JAKMIP3: variants seen among roughly 807,000 people sequenced by gnomAD.
JAKMIP3 encodes Janus kinase and microtubule interacting protein 3, also known as janus kinase and microtubule-interacting protein 3.
JAKMIP3 carries 58 observed loss-of-function variants against 118.5 expected under a neutral mutation model. The ratio of observed to expected loss-of-function variants is 0.49; its 90% confidence interval spans 0.40 to 0.61. JAKMIP3 has a LOEUF of 0.61. JAKMIP3 is among the 20% of genes least tolerant of loss of function. The pLI, the probability that JAKMIP3 is intolerant of heterozygous loss-of-function variation, is 0.00. For missense variants in JAKMIP3, 950 were observed against 1,109.0 expected (o/e 0.86, Z 2.04); for synonymous variants, 486 against 451.2 (o/e 1.08, Z -0.98).
At chr10:132,040,922 G>T (rs1477913475) in intron 1 of JAKMIP3, among the ~76,000 whole-genome samples, 1 of 152,074 alleles carries the variant, frequency 6.6e-6, no homozygotes, top group East Asian at 1.9e-4. Flanking sequence ...CATAGAACTG[G>T]AATCATGCAG....
intron 1 of JAKMIP3, among the ~76,000 whole-genome samples, chr10:132,092,378 A>T (rs565695347): frequency 8.5e-5 from 13 of 152,218 alleles, no homozygotes; most frequent in African/African-American, 3.1e-4. Context: ...ACTTGGTTCC[A>T]TTCTCCCCAT....
chr10:132,168,576 G>T lies in JAKMIP3; in HGVS notation c.*646G>T, dbSNP rs1043285213. On this transcript the variant is annotated 3_prime_UTR_variant, in exon 23 of 24. Transcript: ENST00000684848. ...ACCCTCGTTCATCATCATCTCTGTG[G>T]GGACAGACAAGAGCCGTGGCCGCCG... 3.4e-5 allele frequency: 13 copies of T among 385,178 alleles called. No homozygotes were observed. The highest frequency in any genetic ancestry group is 5.3e-5 in the Non-Finnish European group (11 of 207,438). The allele number at this position is 385,178 out of a possible 1,614,324, so 23.9% of individuals were successfully genotyped here.
chr10:132,180,774 T>TGTGTGCGC lies in JAKMIP3; in HGVS notation c.*1104-1578_*1104-1577insCGCGTGTG, dbSNP rs1565022478. Among the ~76,000 whole-genome samples, 11 of 65,850 alleles carry TGTGTGCGC rather than the reference T, an allele frequency of 1.7e-4. 2 individuals are homozygous for TGTGTGCGC. The highest frequency in any genetic ancestry group is 4.3e-4 in the Admixed American group (3 of 7,058). The allele number at this position is 65,850 out of a possible 152,430, so 43.2% of individuals were successfully genotyped here. ...GCGCGTGTGTGCGTGTGTGTGCGTG[T>TGTGTGCGC]GTGTGTGTGCGCGTATGCATGTGCT... On this transcript the variant is annotated intron_variant, in intron 23 of 23. Transcript: ENST00000684848.
intron 3 of JAKMIP3, among the ~76,000 whole-genome samples, chr10:132,123,346 G>T (rs878963629): frequency 6.6e-6 from 1 of 152,196 alleles, no homozygotes; most frequent in Non-Finnish European, 1.5e-5. Flanking sequence ...AAGTTCAGAC[G>T]TTGTTAAAGA....
At chr10:132,120,955 C>G (rs1406332483) in intron 3 of JAKMIP3, among the ~76,000 whole-genome samples, 1 of 152,204 alleles carries the variant, frequency 6.6e-6, no homozygotes, top group African/African-American at 2.4e-5. Context: ...GGCAGCGGCA[C>G]AGCGTGGTGT....
intron 10 of JAKMIP3, among the ~76,000 whole-genome samples, chr10:132,141,167 G>T (rs1351617214): frequency 1.3e-5 from 2 of 152,188 alleles, no homozygotes; most frequent in African/African-American, 4.8e-5. Context: ...GCAGTCAATG[G>T]CACAGCCAAG....
At position 132,045,555 on chromosome 10, in the gene JAKMIP3, A is replaced by G. The variant is rs539309469; in HGVS notation, c.-138+8817A>G. Reference sequence around the variant, plus strand: ...GCCCGCGGTGTGAGCTGAGGTGTCGAGAGGGAAGTGTACTGAGGTCTGCAG... The same window carrying G: ...GCCCGCGGTGTGAGCTGAGGTGTCGGGAGGGAAGTGTACTGAGGTCTGCAG... On this transcript the variant is annotated intron_variant, in intron 1 of 23. Coordinates refer to the JAKMIP3 transcript ENST00000657785. Among the ~76,000 whole-genome samples the G allele has an allele frequency of 4.3e-4, 66 of 152,250 alleles. 1 individual carries two copies. In the South Asian group the frequency reaches 0.013, roughly 31 times the overall value.
At chr10:132,153,686 C>T in intron 17 of JAKMIP3, 73 bp from the exon 18 acceptor site, 1 of 1,444,724 alleles carries the variant, frequency 6.9e-7, no homozygotes, top group Non-Finnish European at 9.7e-7. Flanking sequence ...CCTGGCTTTT[C>T]TCCCAGCTGT....
chr10:132,184,412 T>A lies in JAKMIP3; in HGVS notation c.*3159T>A, dbSNP rs2061694881. 6.6e-6 allele frequency: 1 copy of A among 152,226 alleles called. No homozygotes were observed. Among genetic ancestry groups the A allele is most frequent in the South Asian group, 2.1e-4 (1 of 4,832 alleles). The allele number at this position is 152,226 out of a possible 1,614,324, so 9.4% of individuals were successfully genotyped here. A position where few individuals can be genotyped will look rare whatever the true frequency, so the allele number is the denominator to read the frequency against. On this transcript the variant is annotated 3_prime_UTR_variant, in exon 24 of 24. Transcript: ENST00000684848. ...CACCGTCATCCCATCCTTGAAACCC[T>A]GAGAGAGAGTGTGTGTTTTATCACA...
At chr10:132,147,003 T>C (rs910631718) in intron 13 of JAKMIP3, among the ~76,000 whole-genome samples, 4 of 152,206 alleles carry the variant, frequency 2.6e-5, no homozygotes, top group Admixed American at 2.0e-4. Context: ...CTTGAAGACA[T>C]GCACACAGAG....
chr10:132,085,500 TCTC>T (rs1009655825), intron 1 of JAKMIP3, among the ~76,000 whole-genome samples: 8 of 125,962 alleles, frequency 6.4e-5, no homozygotes, highest in African/African-American at 2.1e-4. Context: ...CAATTTTCTC[TCTC>T]TTTTTTTTTT....
At chr10:132,111,349 A>AC (rs10636960) in intron 2 of JAKMIP3, among the ~76,000 whole-genome samples, 77,089 of 151,210 alleles carry the variant, frequency 0.51, 19,739 homozygotes, top group African/African-American at 0.57. Context: ...TGGAGCAGAG[A>AC]CCCCCCCCAT....
At chr10:132,135,231 A>G (rs2051501652) in intron 5 of JAKMIP3, 71 bp downstream of exon 5, 6 of 1,480,640 alleles carry the variant, frequency 4.1e-6, no homozygotes, top group African/African-American at 2.8e-5. Flanking sequence ...GGGGGCATCC[A>G]CTTTCAAAAT....
chr10:132,167,327 C>T (rs918276518), intron 22 of JAKMIP3, among the ~76,000 whole-genome samples: 16 of 152,342 alleles, frequency 1.1e-4, no homozygotes, highest in African/African-American at 3.8e-4. Flanking sequence ...CCCACCACCA[C>T]CCCAGTGTAG....
In JAKMIP3 at chr10:132,173,030, TCCCTCTCTCTCTCCCTCTCTCTCTC is replaced by T. The variant is rs1363230642; in HGVS notation, c.*1103+3999_*1103+4023del. Among the ~76,000 whole-genome samples the T allele has an allele frequency of 3.3e-4, 5 of 15,366 alleles. 2 individuals carry two copies. The highest frequency in any genetic ancestry group is 8.9e-4 in the Admixed American group (1 of 1,126). 10.1% of individuals were successfully genotyped at this position (15,366 alleles called of 152,430 possible). A position where few individuals can be genotyped will look rare whatever the true frequency, so the allele number is the denominator to read the frequency against. ...CTCTCTCTCTCCCTCTCTCTCTCCT[TCCCTCTCTCTCTCCCTCTCTCTCTC>T]CTTCCCTCTCTCTCTCCCTCTCCTT... is the stretch of plus-strand genomic sequence containing the variant. On this transcript the variant is annotated intron_variant, in intron 23 of 23. Transcript: ENST00000684848.
At chr10:132,057,287 C>T (rs929976147) in intron 1 of JAKMIP3, among the ~76,000 whole-genome samples, 18 of 152,280 alleles carry the variant, frequency 1.2e-4, no homozygotes, top group African/African-American at 3.6e-4. Flanking sequence ...AAGAGGCGTG[C>T]GCTGACTTCC....
chr10:132,070,130 T>G (rs2039594958), intron 1 of JAKMIP3, among the ~76,000 whole-genome samples: 2 of 151,844 alleles, frequency 1.3e-5, no homozygotes, highest in South Asian at 2.1e-4. Flanking sequence ...CAGCACTGTC[T>G]TCCATTTTTT....
At position 132,123,000 on chromosome 10, in the gene JAKMIP3, G is replaced by A. The variant is rs914656381; in HGVS notation, c.633+5426G>A. 4.6e-5 allele frequency among the ~76,000 whole-genome samples: 7 copies of A among 152,200 alleles called. No individual in the cohort carries two copies. The East Asian group carries it at 1.3e-3, about 29-fold the overall frequency. On this transcript the variant is annotated intron_variant, in intron 3 of 23. Transcript: ENST00000684848. ...GCAGACCCCTTGATTTTACAGCAGA[G>A]GAACCTGGAGCCTCGGAAGGCTCCG...
At chr10:132,041,334 G>A (rs937959345) in intron 1 of JAKMIP3, among the ~76,000 whole-genome samples, 6 of 152,100 alleles carry the variant, frequency 3.9e-5, no homozygotes, top group African/African-American at 7.2e-5. Flanking sequence ...GGCTGGGTCC[G>A]GGTGGGCTGG....
Sources: gnomAD v4.1 joint callset for allele counts (sites outside exome capture counted in the v4.1 genomes callset) on GRCh38, gnomAD v4.1.1 for gene constraint, MANE v1.5 for transcripts, NCBI Gene and HGNC (gene_info 2026-07-23, HGNC 2026-07-21) for gene names.